Variants in SEMA4C observed in about 807,000 individuals in gnomAD.
SEMA4C encodes the protein semaphorin-4C.
SEMA4C carries 19 observed loss-of-function variants against 89.0 expected under a neutral mutation model. That is an observed-to-expected ratio of 0.21 (90% CI 0.15 to 0.31). The LOEUF is 0.31. SEMA4C is among the 10% of genes least tolerant of loss of function. The pLI is 1.00. For missense variants in SEMA4C, 811 were observed against 1,107.0 expected (o/e 0.73, Z 3.79); for synonymous variants, 428 against 472.7 (o/e 0.91, Z 1.23).
intron 6 of SEMA4C, 40 bp from the exon 7 acceptor site, chr2:96,865,360 T>C: frequency 6.2e-7 from 1 of 1,612,156 alleles, no homozygotes; most frequent in Admixed American, 1.7e-5. Flanking sequence ...ACATGAGGTA[T>C]GGACACATCC....
intron 1 of SEMA4C, among the ~76,000 whole-genome samples, chr2:96,868,134 T>C (rs2080123622): frequency 6.6e-6 from 1 of 152,170 alleles, no homozygotes. Context: ...AGGAGTTGAG[T>C]TGGCTGAAGG....
rs2079951377 is a variant in SEMA4C, at chr2:96,861,816, C to A, written c.1522G>T (p.Asp508Tyr). 1 of 1,612,990 alleles carries A rather than the reference C, an allele frequency of 6.2e-7. No individual in the cohort carries two copies. Among genetic ancestry groups the A allele is most frequent in the East Asian group, 2.2e-5 (1 of 44,890 alleles). The change falls in exon 13 of 15, where the codon GAC becomes TAC. Residue 508 changes from aspartate (D) to tyrosine (Y), a missense_variant. This residue lies in a region of SEMA4C where 441 missense variants were observed against 664.9 expected (regional missense o/e 0.66). Transcript: ENST00000305476. The surrounding 1 kb of genome is among the most constrained non-coding windows in gnomAD (Gnocchi z 7.8). ...TAGGGGTCCCGGGCGAGGACACAGT[C>A]TGCACAGGAGCGATACTTCATGCAG... ...ADCMKYRSCA[D>Y]CVLARDPYCA...
intron 2 of SEMA4C, among the ~76,000 whole-genome samples, chr2:96,867,447 G>A (rs1256143962): frequency 1.3e-5 from 2 of 152,210 alleles, no homozygotes; most frequent in Non-Finnish European, 2.9e-5. Flanking sequence ...GGCCTGGGGA[G>A]CCAGGGGAGA....
At position 96,861,393 on chromosome 2, in the gene SEMA4C, G is replaced by A; in HGVS notation, c.1735C>T (p.Leu579Phe). The A allele has an allele frequency of 6.2e-7, 1 of 1,610,184 alleles. No individual in the cohort carries two copies. Among genetic ancestry groups the A allele is most frequent in the Non-Finnish European group, 8.5e-7 (1 of 1,180,018 alleles). The change falls in exon 15 of 15, where the codon CTC becomes TTC. Residue 579 changes from leucine (L) to phenylalanine (F), a missense_variant. Around this residue, in one of 4 missense-constraint regions of SEMA4C, gnomAD observed 441 missense variants for 664.9 expected, o/e 0.66. Transcript: ENST00000305476. The surrounding 1 kb of genome is among the most constrained non-coding windows in gnomAD (Gnocchi z 7.8). ...CGGGCATGGGCCAAGTTGGAGGAGA[G>A]GTGGCAGGGCAGCACCAGGTCTGTG... ...AGTDLVLPCHLSSNLAHARWT... is the reference protein window; with the variant it reads ...AGTDLVLPCHFSSNLAHARWT...
At chr2:96,870,352 TA>T (rs1012983524), upstream of SEMA4C, 80 of 979,078 alleles carry the variant, frequency 8.2e-5, no homozygotes, top group Middle Eastern at 5.2e-4. Context: ...GGACTCCGGG[TA>T]TGGCCACGGG....
rs200162349 is a variant in SEMA4C at position 96,860,620 on chromosome 2, T to A, written c.*6A>T. The A allele has an allele frequency of 2.7e-4, 431 of 1,585,852 alleles. 1 individual carries two copies. The highest frequency in any genetic ancestry group is 1.7e-4 in the Middle Eastern group (1 of 5,944). On this transcript the variant is annotated 3_prime_UTR_variant, in exon 15 of 15. Coordinates refer to ENST00000305476, the MANE Select transcript of SEMA4C (RefSeq NM_017789.5). ...ACGCTTCCCGCCGACGCGGTGGGGGTTCCCCTCATACTGATGACTCCTCGG... is the reference window on the plus strand; with the variant it reads ...ACGCTTCCCGCCGACGCGGTGGGGGATCCCCTCATACTGATGACTCCTCGG...
chr2:96,867,331 G>T (rs1277213100), intron 2 of SEMA4C, among the ~76,000 whole-genome samples: 1 of 152,152 alleles, frequency 6.6e-6, no homozygotes, highest in East Asian at 1.9e-4. Flanking sequence ...AGCACTGCTG[G>T]GTCCCCGCTG....
Position 96,865,053 on chromosome 2 carries a change from C to T in SEMA4C, c.697G>A (p.Asp233Asn), listed in dbSNP as rs1322096840. Residue 233 changes from aspartate (D) to asparagine (N), a missense_variant, in exon 8 of 15, where the codon GAC (aspartate) becomes AAC (asparagine). Coordinates refer to ENST00000305476, the MANE Select transcript of SEMA4C (RefSeq NM_017789.5). ...TCCCTGAAGAAGAAGTAGACCTTGTCGTCGTCCCCCGTGAAGCTGCCCACA... is the reference window on the plus strand; with the variant it reads ...TCCCTGAAGAAGAAGTAGACCTTGTTGTCGTCCCCCGTGAAGCTGCCCACA... ...ESVGSFTGDD[D>N]KVYFFFRERA... 4 of 1,556,580 alleles carry T rather than the reference C, an allele frequency of 2.6e-6. No individual in the cohort carries two copies. Among genetic ancestry groups the T allele is most frequent in the East Asian group, 2.4e-5 (1 of 41,242 alleles).
At chr2:96,869,496 G>A (rs573303656) in intron 1 of SEMA4C, 14,762 of 985,232 alleles carry the variant, frequency 0.015, 134 homozygotes, top group Non-Finnish European at 0.017. Context: ...CCGCGGCAGG[G>A]AAATCCGATC....
rs1559034282 is a variant in SEMA4C, at chr2:96,864,782, G to A, written c.885C>T (p.Asn295=). The A allele has an allele frequency of 1.9e-6, 3 of 1,613,962 alleles. No homozygotes were observed. The highest frequency in any genetic ancestry group is 2.5e-6 in the Non-Finnish European group (3 of 1,180,014). The change falls in exon 9 of 15, where the codon AAC becomes AAT. Residue 295 remains asparagine, a synonymous_variant. Transcript: ENST00000305476. This position sits in a 1 kb window ranked among gnomAD's most constrained non-coding sequence, Gnocchi z 6.3. The part of the protein sequence containing the change: ...CSAPNWQLYF[N]QLQAMHTLQD... ...GCAGGGTGTGCATCGCCTGCAGCTG[G>A]TTGAAGTAGAGCTGCCAGTTCGGGG...
At chr2:96,868,775 C>A in intron 1 of SEMA4C, 1 of 985,084 alleles carries the variant, frequency 1.0e-6, no homozygotes, top group Non-Finnish European at 1.2e-6. Context: ...CGAGGGGGTT[C>A]CTCCCGGGCC....
At chr2:96,869,807 A>ATTGG (rs1574159812) in intron 1 of SEMA4C, 69 bp downstream of exon 1, 1 of 984,282 alleles carries the variant, frequency 1.0e-6, no homozygotes, top group African/African-American at 1.8e-5. Flanking sequence ...CCCCTGCCCA[A>ATTGG]GCAAAGGGAC....
Position 96,861,995 on chromosome 2 carries a change from AG to A in SEMA4C, c.1444-102del, listed in dbSNP as rs1360363382. The A allele has an allele frequency of 1.6e-6, 2 of 1,281,946 alleles. No individual in the cohort carries two copies. Among genetic ancestry groups the A allele is most frequent in the Non-Finnish European group, 2.1e-6 (2 of 930,274 alleles). The allele number at this position is 1,281,946 out of a possible 1,614,324, so 79.4% of individuals were successfully genotyped here. On this transcript the variant is annotated intron_variant, in intron 12 of 14. Transcript: ENST00000305476. This position sits in a 1 kb window ranked among gnomAD's most constrained non-coding sequence, Gnocchi z 7.8. ...GCATGGGGACAGCTTGGACTCCTGC[AG>A]GGGGCACAGCACGGGGCGCCAGAAG...
rs1470933775 is a variant in SEMA4C, at chr2:96,866,239, GC to G, written c.258+43del. 3 of 1,571,952 alleles carry G rather than the reference GC, an allele frequency of 1.9e-6. No homozygotes were observed. The East Asian group carries it at 6.8e-5, about 35-fold the overall frequency. On this transcript the variant is annotated intron_variant, in intron 3 of 14. Coordinates refer to ENST00000305476, the MANE Select transcript of SEMA4C (RefSeq NM_017789.5). ...GCCAAGCACAGCCCCTCTGGGCCTT[GC>G]CCTCTGGCAGGCCCGACTGCCTCCC...
rs777582579 is a variant in SEMA4C, at chr2:96,864,771, G to A, written c.896C>T (p.Ala299Val). The A allele has an allele frequency of 9.3e-6, 15 of 1,613,832 alleles. No individual in the cohort carries two copies. Among genetic ancestry groups the A allele is most frequent in the Middle Eastern group, 1.6e-4 (1 of 6,084 alleles). The change falls in exon 9 of 15, where the codon GCG (alanine) becomes GTG (valine). Residue 299 changes from alanine (A) to valine (V), a missense_variant. Around this residue, in one of 4 missense-constraint regions of SEMA4C, gnomAD observed 441 missense variants for 664.9 expected, o/e 0.66. Transcript: ENST00000305476. This position sits in a 1 kb window ranked among gnomAD's most constrained non-coding sequence, Gnocchi z 6.3. ...GGAGGTGTCCTGCAGGGTGTGCATC[G>A]CCTGCAGCTGGTTGAAGTAGAGCTG... The part of the protein sequence containing the change: ...NWQLYFNQLQ[A>V]MHTLQDTSWH...
At chr2:96,869,341 C>T (rs1343511773) in intron 1 of SEMA4C, 2 of 985,208 alleles carry the variant, frequency 2.0e-6, no homozygotes, top group South Asian at 4.7e-5. Context: ...CACACCCTCG[C>T]CCACCCCGAG....
chr2:96,861,764 C>A lies in SEMA4C; in HGVS notation c.1574G>T (p.Arg525Leu). 6.2e-7 allele frequency: 1 copy of A among 1,613,556 alleles called. No individual in the cohort carries two copies. Among genetic ancestry groups the A allele is most frequent in the Non-Finnish European group, 8.5e-7 (1 of 1,179,970 alleles). Residue 525 changes from arginine (R) to leucine (L), a missense_variant, in exon 13 of 15, where the codon CGC (arginine) becomes CTC (leucine). Physicochemically the swap from Arg to Leu is moderately radical, Grantham distance 102. Coordinates refer to ENST00000305476, the MANE Select transcript of SEMA4C (RefSeq NM_017789.5). This position sits in a 1 kb window ranked among gnomAD's most constrained non-coding sequence, Gnocchi z 7.8. ...PYCAWSVNTS[R>L]CVAVGGHSGS... ...AGAGTGGCCACCCACGGCCACACAG[C>A]GGCTGGTGTTGACGCTCCAGGCGCA...
rs1481343498 is a variant in SEMA4C at position 96,866,328 on chromosome 2, C to T, written c.213G>A (p.Glu71=). 8 of 1,613,454 alleles carry T rather than the reference C, an allele frequency of 5.0e-6. No individual in the cohort carries two copies. The highest frequency in any genetic ancestry group is 6.8e-6 in the Non-Finnish European group (8 of 1,179,606). Reference sequence around the variant, plus strand: ...CCTCCATGCTGAAGGCAAACAGGGCCTCTCGGGCGCCCACGTACAGAAGCC... The same window carrying T: ...CCTCCATGCTGAAGGCAAACAGGGCTTCTCGGGCGCCCACGTACAGAAGCC... ...PTGLLYVGAR[E]ALFAFSMEAL... is the part of the protein sequence containing the mutation. Residue 71 remains glutamate, a synonymous_variant, in exon 3 of 15, where the codon GAG becomes GAA. Coordinates refer to ENST00000305476, the MANE Select transcript of SEMA4C (RefSeq NM_017789.5).
In SEMA4C at chr2:96,864,632, G is replaced by A; in HGVS notation, c.962+73C>T. ...GGACTGCCTCTGAGGCCTGGTCCAG[G>A]CTCCCACCCATGCACCGTCCCTGAC... On this transcript the variant is annotated intron_variant, in intron 9 of 14. Transcript: ENST00000305476. The surrounding 1 kb of genome is among the most constrained non-coding windows in gnomAD (Gnocchi z 6.3). 6.6e-7 allele frequency: 1 copy of A among 1,518,340 alleles called. No homozygotes were observed. Among genetic ancestry groups the A allele is most frequent in the Non-Finnish European group, 8.9e-7 (1 of 1,125,492 alleles). The allele number at this position is 1,518,340 out of a possible 1,614,324, so 94.1% of individuals were successfully genotyped here.
Sources: gnomAD v4.1 joint callset for allele counts (sites outside exome capture counted in the v4.1 genomes callset) on GRCh38, gnomAD v4.1.1 for gene constraint, gnomAD v4.1.1 regional missense constraint, Gnocchi (gnomAD v3.1) non-coding constraint, MANE v1.5 for transcripts, NCBI Gene and HGNC (gene_info 2026-07-23, HGNC 2026-07-21) for gene names.